Variants in NRGN observed in about 807,000 individuals in gnomAD.
NRGN encodes calmodulin-binding protein.
For synonymous variants in NRGN, 47 were observed against 52.8 expected (o/e 0.89, Z 0.47); for missense variants, 82 against 123.0 (o/e 0.67, Z 1.58).
chr11:124,745,600 G>C lies in NRGN; in HGVS notation c.113G>C (p.Arg38Pro). 1 of 1,606,944 alleles carries C rather than the reference G, an allele frequency of 6.2e-7. No individual in the cohort carries two copies. Among genetic ancestry groups the C allele is most frequent in the Non-Finnish European group, 8.5e-7 (1 of 1,178,064 alleles). ...AAAAKIQASF[R>P]GHMARKKIKS... The stretch of plus-strand genomic sequence containing the variant: ...GCCGCCAAAATCCAGGCGAGTTTTC[G>C]GGGCCACATGGCGCGGAAGAAGATA... The change falls in exon 2 of 4, where the codon CGG (arginine) becomes CCG (proline). Residue 38 changes from arginine to proline, a missense_variant. Arg to Pro is a moderately radical substitution (Grantham distance 103). Transcript: ENST00000284292. This position sits in a 1 kb window ranked among gnomAD's most constrained non-coding sequence, Gnocchi z 6.4.
Position 124,740,164 on chromosome 11 carries a change from C to T in NRGN, c.15+65C>T, listed in dbSNP as rs1299231806. On this transcript the variant is annotated intron_variant, in intron 1 of 3. Transcript: ENST00000284292. The surrounding 1 kb of genome is among the most constrained non-coding windows in gnomAD (Gnocchi z 7.5). Reference sequence around the variant, plus strand: ...CCGCTGCGAGAGGCGCCTGAGAAAGCCCTGGAGGGCGAGAGAGGGATGGAA... The same window carrying T: ...CCGCTGCGAGAGGCGCCTGAGAAAGTCCTGGAGGGCGAGAGAGGGATGGAA... The T allele has an allele frequency of 3.4e-6, 4 of 1,187,238 alleles. No homozygotes were observed. Among genetic ancestry groups the T allele is most frequent in the Non-Finnish European group, 3.3e-6 (3 of 917,664 alleles). The allele number at this position is 1,187,238 out of a possible 1,614,324, so 73.5% of individuals were successfully genotyped here.
rs1225266456 is a variant in NRGN, at chr11:124,745,603, G to A, written c.116G>A (p.Gly39Asp). 6.2e-7 allele frequency: 1 copy of A among 1,606,544 alleles called. No individual in the cohort carries two copies. The highest frequency in any genetic ancestry group is 2.3e-5 in the East Asian group (1 of 44,370). ...AAAKIQASFRGHMARKKIKSG... is the reference protein window; with the variant it reads ...AAAKIQASFRDHMARKKIKSG... ...GCCAAAATCCAGGCGAGTTTTCGGG[G>A]CCACATGGCGCGGAAGAAGATAAAG... The change falls in exon 2 of 4, where the codon GGC becomes GAC. Residue 39 changes from glycine to aspartate, a missense_variant. Gly to Asp is a moderately conservative substitution (Grantham distance 94, BLOSUM62 -1). Coordinates refer to ENST00000284292, the MANE Select transcript of NRGN (RefSeq NM_006176.3). This position sits in a 1 kb window ranked among gnomAD's most constrained non-coding sequence, Gnocchi z 6.4.
rs995942815 is a variant in NRGN, at chr11:124,740,501, A to C, written c.15+402A>C. ...CGGCCCCCACCCCGTTCCCCATCCC[A>C]CTGCGCCGCCGTCGGTGGGCGGACA... On this transcript the variant is annotated intron_variant, in intron 1 of 3. Transcript: ENST00000284292. This position sits in a 1 kb window ranked among gnomAD's most constrained non-coding sequence, Gnocchi z 7.5. Among the ~76,000 whole-genome samples the C allele has an allele frequency of 2.0e-5, 3 of 152,250 alleles. No individual in the cohort carries two copies. Among genetic ancestry groups the C allele is most frequent in the Admixed American group, 2.0e-4 (3 of 15,302 alleles).
At chr11:124,744,994 C>T (rs1943996704) in intron 1 of NRGN, 1 of 152,794 alleles carries the variant, frequency 6.5e-6, no homozygotes, top group South Asian at 2.1e-4. Flanking sequence ...TCCCCATCCT[C>T]TCCCTAATTC....
Position 124,745,873 on chromosome 11 carries a change from G to A in NRGN, c.*6-92G>A, listed in dbSNP as rs1045057582. ...GGATAGAAATCCGAGATGGGAGGTG[G>A]GTGGGAAGAGGCTGAAGGTTGCGCG... On this transcript the variant is annotated intron_variant, in intron 2 of 3. Coordinates refer to ENST00000284292, the MANE Select transcript of NRGN (RefSeq NM_006176.3). This position sits in a 1 kb window ranked among gnomAD's most constrained non-coding sequence, Gnocchi z 6.4. The A allele has an allele frequency of 6.4e-5, 26 of 408,702 alleles. No individual in the cohort carries two copies. The highest frequency in any genetic ancestry group is 5.2e-4 in the African/African-American group (25 of 47,886). 25.3% of individuals were successfully genotyped at this position (408,702 alleles called of 1,614,324 possible). A position where few individuals can be genotyped will look rare whatever the true frequency, so the allele number is the denominator to read the frequency against.
At position 124,745,805 on chromosome 11, in the gene NRGN, C is replaced by T; in HGVS notation, c.*5+76C>T. 3.7e-6 allele frequency: 3 copies of T among 820,520 alleles called. No homozygotes were observed. Among genetic ancestry groups the T allele is most frequent in the Non-Finnish European group, 5.0e-6 (3 of 594,134 alleles). 50.8% of individuals were successfully genotyped at this position (820,520 alleles called of 1,614,324 possible). Reference sequence around the variant, plus strand: ...CCCAGGAGCAGGGGGAGAATAAGGGCGGGTTGGAGGTGCAGGGGGCGTGGA... The same window carrying T: ...CCCAGGAGCAGGGGGAGAATAAGGGTGGGTTGGAGGTGCAGGGGGCGTGGA... On this transcript the variant is annotated intron_variant, in intron 2 of 3. Coordinates refer to ENST00000284292, the MANE Select transcript of NRGN (RefSeq NM_006176.3). The surrounding 1 kb of genome is among the most constrained non-coding windows in gnomAD (Gnocchi z 6.4).
rs1037346273 is a variant in NRGN, at chr11:124,740,730, G to A, written c.15+631G>A. Among the ~76,000 whole-genome samples, 3 of 152,252 alleles carry A rather than the reference G, an allele frequency of 2.0e-5. No individual in the cohort carries two copies. The highest frequency in any genetic ancestry group is 7.2e-5 in the African/African-American group (3 of 41,472). Reference sequence around the variant, plus strand: ...CGAGAGAGCCCTGCTGGCGAGGAAAGGAAGTGTCTGCAATTTGTCAGCGCC... The same window carrying A: ...CGAGAGAGCCCTGCTGGCGAGGAAAAGAAGTGTCTGCAATTTGTCAGCGCC... On this transcript the variant is annotated intron_variant, in intron 1 of 3. Transcript: ENST00000284292. The surrounding 1 kb of genome is among the most constrained non-coding windows in gnomAD (Gnocchi z 7.5).
At position 124,745,547 on chromosome 11, in the gene NRGN, G is replaced by T. The variant is rs990794142; in HGVS notation, c.60G>T (p.Pro20=). 4.4e-6 allele frequency: 7 copies of T among 1,605,486 alleles called. No individual in the cohort carries two copies. The highest frequency in any genetic ancestry group is 5.9e-6 in the Non-Finnish European group (7 of 1,177,168). ...SKPDDDILDI[P]LDDPGANAAA... Reference sequence around the variant, plus strand: ...CGGACGACGACATTCTAGACATCCCGCTGGACGATCCCGGCGCCAACGCGG... The same window carrying T: ...CGGACGACGACATTCTAGACATCCCTCTGGACGATCCCGGCGCCAACGCGG... The change falls in exon 2 of 4, where the codon CCG becomes CCT. Residue 20 remains proline, a synonymous_variant. Coordinates refer to ENST00000284292, the MANE Select transcript of NRGN (RefSeq NM_006176.3). The surrounding 1 kb of genome is among the most constrained non-coding windows in gnomAD (Gnocchi z 6.4).
At chr11:124,744,167 G>A (rs2134445940) in intron 1 of NRGN, among the ~76,000 whole-genome samples, 1 of 152,302 alleles carries the variant, frequency 6.6e-6, no homozygotes, top group Non-Finnish European at 1.5e-5. Flanking sequence ...GGGGCATAGA[G>A]GTGGGCCTGA....
In NRGN at chr11:124,745,971, G is replaced by C. The variant is rs907957609; in HGVS notation, c.*12G>C. ...CCGCCCTGGACCGAAGAAGAACTGA[G>C]CATTTTCAAAGGTAATGAACACGGC... On this transcript the variant is annotated 3_prime_UTR_variant, in exon 3 of 4. Coordinates refer to ENST00000284292, the MANE Select transcript of NRGN (RefSeq NM_006176.3). The surrounding 1 kb of genome is among the most constrained non-coding windows in gnomAD (Gnocchi z 6.4). The C allele has an allele frequency of 5.9e-6, 2 of 340,228 alleles. No homozygotes were observed. Among genetic ancestry groups the C allele is most frequent in the South Asian group, 3.0e-4 (2 of 6,696 alleles). 21.1% of individuals were successfully genotyped at this position (340,228 alleles called of 1,614,324 possible).
In NRGN at chr11:124,740,250, G is replaced by A; in HGVS notation, c.15+151G>A. ...GGTCCTTGCCGAGACGTGGGTGGTGGATGGTGGAAGGCGCCCGCCCGACTT... is the reference window on the plus strand; with the variant it reads ...GGTCCTTGCCGAGACGTGGGTGGTGAATGGTGGAAGGCGCCCGCCCGACTT... On this transcript the variant is annotated intron_variant, in intron 1 of 3. Transcript: ENST00000284292. The surrounding 1 kb of genome is among the most constrained non-coding windows in gnomAD (Gnocchi z 7.5). The A allele has an allele frequency of 1.8e-6, 1 of 562,124 alleles. No individual in the cohort carries two copies. The highest frequency in any genetic ancestry group is 2.7e-6 in the Non-Finnish European group (1 of 369,364). 34.8% of individuals were successfully genotyped at this position (562,124 alleles called of 1,614,324 possible).
chr11:124,744,458 T>C (rs1311396657), intron 1 of NRGN, among the ~76,000 whole-genome samples: 1 of 152,230 alleles, frequency 6.6e-6, no homozygotes, highest in Non-Finnish European at 1.5e-5. Context: ...TAGCAAATGG[T>C]AGACCTTGGC....
At position 124,745,948 on chromosome 11, in the gene NRGN, G is replaced by C. The variant is rs1003569831; in HGVS notation, c.*6-17G>C. ...CCCTCTGCATCCTCCCTTCTGCCCCGCCCTGGACCGAAGAAGAACTGAGCA... is the reference window on the plus strand; with the variant it reads ...CCCTCTGCATCCTCCCTTCTGCCCCCCCCTGGACCGAAGAAGAACTGAGCA... On this transcript the variant is annotated splice_polypyrimidine_tract_variant and intron_variant, in intron 2 of 3. Coordinates refer to ENST00000284292, the MANE Select transcript of NRGN (RefSeq NM_006176.3). This position sits in a 1 kb window ranked among gnomAD's most constrained non-coding sequence, Gnocchi z 6.4. The C allele has an allele frequency of 7.5e-5, 27 of 358,456 alleles. No individual in the cohort carries two copies. The highest frequency in any genetic ancestry group is 1.1e-4 in the Non-Finnish European group (22 of 200,706). The allele number at this position is 358,456 out of a possible 1,614,324, so 22.2% of individuals were successfully genotyped here.
In NRGN at chr11:124,745,774, G is replaced by T; in HGVS notation, c.*5+45G>T. On this transcript the variant is annotated intron_variant, in intron 2 of 3. Coordinates refer to ENST00000284292, the MANE Select transcript of NRGN (RefSeq NM_006176.3). This position sits in a 1 kb window ranked among gnomAD's most constrained non-coding sequence, Gnocchi z 6.4. ...GCTGGCTGACAGCTGCCCTTCCCCA[G>T]CCCTCCCCAGGAGCAGGGGGAGAAT... 9.3e-7 allele frequency: 1 copy of T among 1,076,492 alleles called. No homozygotes were observed. 66.7% of individuals were successfully genotyped at this position (1,076,492 alleles called of 1,614,324 possible). A position where few individuals can be genotyped will look rare whatever the true frequency, so the allele number is the denominator to read the frequency against.
chr11:124,742,769 C>T (rs1036937711), intron 1 of NRGN, among the ~76,000 whole-genome samples: 6 of 152,140 alleles, frequency 3.9e-5, no homozygotes, highest in Non-Finnish European at 5.9e-5. Context: ...ATATGCAAAG[C>T]GCTTAGCACA....
rs1208119933 is a variant in NRGN at position 124,745,339 on chromosome 11, C to G, written c.16-164C>G. On this transcript the variant is annotated intron_variant, in intron 1 of 3. Coordinates refer to ENST00000284292, the MANE Select transcript of NRGN (RefSeq NM_006176.3). This position sits in a 1 kb window ranked among gnomAD's most constrained non-coding sequence, Gnocchi z 6.4. ...TTCTTCGCCTGTCGCTGCCCATGCC[C>G]CAGTGAGTGTCCCTGCCATAGCCCT... Among the ~76,000 whole-genome samples, 1 of 152,080 alleles carries G rather than the reference C, an allele frequency of 6.6e-6. No individual in the cohort carries two copies. The highest frequency in any genetic ancestry group is 1.9e-4 in the East Asian group (1 of 5,162).
In NRGN at chr11:124,745,547, G is replaced by C. The variant is rs990794142; in HGVS notation, c.60G>C (p.Pro20=). 3 of 1,605,486 alleles carry C rather than the reference G, an allele frequency of 1.9e-6. No individual in the cohort carries two copies. Among genetic ancestry groups the C allele is most frequent in the Non-Finnish European group, 8.5e-7 (1 of 1,177,168 alleles). The change falls in exon 2 of 4, where the codon CCG becomes CCC. Residue 20 remains proline, a synonymous_variant. Transcript: ENST00000284292. This position sits in a 1 kb window ranked among gnomAD's most constrained non-coding sequence, Gnocchi z 6.4. ...SKPDDDILDI[P]LDDPGANAAA... is the part of the protein sequence containing the mutation. ...CGGACGACGACATTCTAGACATCCC[G>C]CTGGACGATCCCGGCGCCAACGCGG...
rs925859736 is a variant in NRGN, at chr11:124,745,085, G to T, written c.16-418G>T. 6.6e-6 allele frequency among the ~76,000 whole-genome samples: 1 copy of T among 152,098 alleles called. No homozygotes were observed. Among genetic ancestry groups the T allele is most frequent in the Non-Finnish European group, 1.5e-5 (1 of 68,018 alleles). On this transcript the variant is annotated intron_variant, in intron 1 of 3. Transcript: ENST00000284292. The surrounding 1 kb of genome is among the most constrained non-coding windows in gnomAD (Gnocchi z 6.4). ...TCCATCCTCTCCACGGAAAACCCTGGACTCAGACTGGGTCCTTCTGAGCTG... is the reference window on the plus strand; with the variant it reads ...TCCATCCTCTCCACGGAAAACCCTGTACTCAGACTGGGTCCTTCTGAGCTG...
chr11:124,744,360 A>G (rs1449237307), intron 1 of NRGN, among the ~76,000 whole-genome samples: 1 of 152,268 alleles, frequency 6.6e-6, no homozygotes, highest in Non-Finnish European at 1.5e-5. Context: ...CCCACGACCC[A>G]TAGAGGTGGA....
Sources: allele counts gnomAD v4.1 joint callset (sites outside exome capture counted in the v4.1 genomes callset), GRCh38; gene constraint gnomAD v4.1.1; non-coding constraint Gnocchi (gnomAD v3.1); transcripts MANE v1.5; gene names NCBI Gene and HGNC (gene_info 2026-07-23, HGNC 2026-07-21).